The following CDH13 variants were observed in gnomAD, a reference collection of about 807,000 sequenced individuals.
CDH13 encodes cadherin 13, also known as cadherin-13.
Under a neutral mutation model 63.8 loss-of-function variants are expected in CDH13, and 24 were observed. The observed-to-expected ratio is 0.38, with a 90% CI of 0.27 to 0.53. The LOEUF is 0.53. CDH13 is among the 20% of genes least tolerant of loss of function. The probability of loss-of-function intolerance (pLI) is 0.85; values close to 1 mark genes in which losing one functional copy is unlikely to be tolerated. For synonymous variants in CDH13, 503 were observed against 355.3 expected, an observed-to-expected ratio of 1.42 and a Z score of -4.67; for missense variants, 1,049 against 903.1, an observed-to-expected ratio of 1.16 and a Z score of -2.07.
intron 10 of CDH13, among the ~76,000 whole-genome samples, chr16:83,700,574 A>G (rs1421748145): frequency 2.0e-5 from 3 of 152,216 alleles, no homozygotes; most frequent in Admixed American, 2.0e-4. Context: ...GAACTGCTAA[A>G]AAGTTGCAAC....
At chr16:83,390,360 C>G (rs1324109242) in intron 6 of CDH13, among the ~76,000 whole-genome samples, 2 of 152,112 alleles carry the variant, frequency 1.3e-5, no homozygotes, top group Non-Finnish European at 2.9e-5. Context: ...TACGTAGATA[C>G]TATGGAGGTG....
intron 3 of CDH13, among the ~76,000 whole-genome samples, chr16:83,111,859 A>T (rs1280433176): frequency 1.3e-5 from 2 of 152,254 alleles, no homozygotes; most frequent in African/African-American, 4.8e-5. Flanking sequence ...AATAAACTAT[A>T]TGAACTTCTC....
chr16:82,699,305 C>G (rs2030704868), intron 1 of CDH13, among the ~76,000 whole-genome samples: 1 of 152,168 alleles, frequency 6.6e-6, no homozygotes, highest in African/African-American at 2.4e-5. Context: ...TCCTCTGCCT[C>G]TGAGAACTAA....
chr16:83,629,868 A>G (rs1910627563), intron 8 of CDH13, among the ~76,000 whole-genome samples: 1 of 152,250 alleles, frequency 6.6e-6, no homozygotes, highest in African/African-American at 2.4e-5. Flanking sequence ...TGGCAGATGC[A>G]GGGGAAGAGA....
chr16:83,708,154 C>T (rs1455168882), intron 10 of CDH13, among the ~76,000 whole-genome samples: 1 of 152,188 alleles, frequency 6.6e-6, no homozygotes, highest in African/African-American at 2.4e-5. Context: ...AGGATCCACC[C>T]AAAGCCACCG....
intron 1 of CDH13, among the ~76,000 whole-genome samples, chr16:82,842,139 C>CAT (rs1211555857): frequency 1.8e-4 from 10 of 57,140 alleles, no homozygotes; most frequent in African/African-American, 3.8e-4. Flanking sequence ...TATATATATA[C>CAT]ACATATATAT....
intron 6 of CDH13, among the ~76,000 whole-genome samples, chr16:83,433,797 A>G (rs1483971931): frequency 6.6e-6 from 1 of 152,212 alleles, no homozygotes; most frequent in Non-Finnish European, 1.5e-5. Flanking sequence ...TGCAGCAGAT[A>G]AGAGTGTTTA....
intron 3 of CDH13, among the ~76,000 whole-genome samples, chr16:83,038,127 A>T (rs775335873): frequency 6.6e-6 from 1 of 152,200 alleles, no homozygotes; most frequent in Non-Finnish European, 1.5e-5. Context: ...TGCTCATTTC[A>T]TGTCACTGTG....
intron 1 of CDH13, among the ~76,000 whole-genome samples, chr16:82,736,343 G>GA (rs2033672570): frequency 6.6e-6 from 1 of 152,074 alleles, no homozygotes; most frequent in South Asian, 2.1e-4. Context: ...GTTAAGGGAA[G>GA]AAAAAAACAG....
chr16:82,850,462 G>A (rs1359630640), intron 1 of CDH13, among the ~76,000 whole-genome samples: 2 of 152,164 alleles, frequency 1.3e-5, no homozygotes, highest in Admixed American at 1.3e-4. Flanking sequence ...CTAAGAAAGT[G>A]GTTTCTTGAG....
chr16:83,496,191 C>T (rs1242394629), intron 7 of CDH13, among the ~76,000 whole-genome samples: 5 of 151,842 alleles, frequency 3.3e-5, no homozygotes, highest in African/African-American at 4.8e-5. Flanking sequence ...AAAAAGAGCC[C>T]GCATCGCCAA....
intron 4 of CDH13, among the ~76,000 whole-genome samples, chr16:83,194,465 A>G (rs1417198485): frequency 1.3e-5 from 2 of 152,238 alleles, no homozygotes; most frequent in Non-Finnish European, 2.9e-5. Context: ...GGATAGAAAC[A>G]TAAATGGAAC....
At chr16:83,529,306 G>C (rs2151630398) in intron 7 of CDH13, among the ~76,000 whole-genome samples, 1 of 152,122 alleles carries the variant, frequency 6.6e-6, no homozygotes, top group Non-Finnish European at 1.5e-5. Context: ...AACAGGCTTT[G>C]TCTTTTGCCC....
At chr16:83,364,373 C>T (rs2091219695) in intron 6 of CDH13, among the ~76,000 whole-genome samples, 1 of 152,148 alleles carries the variant, frequency 6.6e-6, no homozygotes, top group Non-Finnish European at 1.5e-5. Flanking sequence ...AGATACAGAG[C>T]CATGATTTTC....
intron 2 of CDH13, among the ~76,000 whole-genome samples, chr16:82,913,048 T>G (rs1226532191): frequency 6.6e-6 from 1 of 152,120 alleles, no homozygotes; most frequent in Non-Finnish European, 1.5e-5. Flanking sequence ...TCCATGAGAT[T>G]GGGAATGGGA....
At chr16:83,743,457 C>T (rs1237114359) in intron 10 of CDH13, among the ~76,000 whole-genome samples, 1 of 152,168 alleles carries the variant, frequency 6.6e-6, no homozygotes, top group African/African-American at 2.4e-5. Context: ...AATACAACTG[C>T]TTCTTTGACA....
chr16:83,207,916 A>G (rs2039229974), intron 4 of CDH13, among the ~76,000 whole-genome samples: 2 of 152,186 alleles, frequency 1.3e-5, no homozygotes, highest in Admixed American at 1.3e-4. Context: ...TCTGCTATAT[A>G]AGAAGGAAAC....
intron 2 of CDH13, among the ~76,000 whole-genome samples, chr16:82,988,179 A>G (rs750234144): frequency 2.0e-5 from 3 of 152,194 alleles, no homozygotes; most frequent in Non-Finnish European, 2.9e-5. Context: ...TGGTGTGTGT[A>G]TGTGCACATA....
intron 5 of CDH13, among the ~76,000 whole-genome samples, chr16:83,276,763 C>T (rs529447700): frequency 2.0e-5 from 3 of 152,144 alleles, no homozygotes; most frequent in Admixed American, 6.5e-5. Context: ...CACAGCTACT[C>T]GGGAGGCTGA....
Sources: gnomAD v4.1 joint callset for allele counts (sites outside exome capture counted in the v4.1 genomes callset) on GRCh38, gnomAD v4.1.1 for gene constraint, MANE v1.5 for transcripts, NCBI Gene and HGNC (gene_info 2026-07-23, HGNC 2026-07-21) for gene names.